Variants in PCDHA10 observed in about 807,000 individuals in gnomAD.
The protein encoded by PCDHA10 is protocadherin alpha 10.
In PCDHA10, 45 loss-of-function variants were observed where a neutral mutation model predicts 61.2. The observed-to-expected ratio is 0.74, with a 90% CI of 0.58 to 0.94. The LOEUF (loss-of-function observed/expected upper bound fraction) is 0.94. Among genes scored for constraint, PCDHA10 ranks in the 40% least tolerant of loss-of-function variants. The pLI is 0.00. For synonymous variants in PCDHA10, 602 were observed against 548.8 expected (o/e 1.10, Z -1.35); for missense variants, 1,278 against 1,236.2 (o/e 1.03, Z -0.51).
intron 1 of PCDHA10, among the ~76,000 whole-genome samples, chr5:140,923,142 TA>T (rs1262526439): frequency 5.3e-5 from 8 of 152,122 alleles, no homozygotes; most frequent in East Asian, 3.9e-4. Context: ...AGGTGGAATA[TA>T]AAAAAAATTA....
At chr5:140,912,441 G>A (rs1460671133) in intron 1 of PCDHA10, among the ~76,000 whole-genome samples, 2 of 151,478 alleles carry the variant, frequency 1.3e-5, no homozygotes, top group Non-Finnish European at 2.9e-5. Flanking sequence ...GCTGATTTGT[G>A]TGCATTGATT....
intron 1 of PCDHA10, chr5:140,969,304 C>A (rs782271875): frequency 9.3e-6 from 15 of 1,614,042 alleles, no homozygotes; most frequent in African/African-American, 1.3e-5. Flanking sequence ...TGATTATTCT[C>A]AAAAATGAGG....
At chr5:140,941,194 TCTTTCTTCCTTTCTTTCTTCC>T (rs1563183817) in intron 1 of PCDHA10, among the ~76,000 whole-genome samples, 5 of 112,350 alleles carry the variant, frequency 4.5e-5, no homozygotes, top group Admixed American at 9.1e-5. Flanking sequence ...TCTTTTTTTT[TCTTTCTTCCTTTCTTTCTTCC>T]TTTCTTTCTT....
At chr5:140,967,879 T>C in intron 1 of PCDHA10, 1 of 1,614,104 alleles carries the variant, frequency 6.2e-7, no homozygotes, top group Non-Finnish European at 8.5e-7. Context: ...CGGACCTGTA[T>C]AGCCCAGTGC....
chr5:140,940,253 A>G (rs1216858680), intron 1 of PCDHA10, among the ~76,000 whole-genome samples: 1 of 152,124 alleles, frequency 6.6e-6, no homozygotes, highest in Middle Eastern at 3.2e-3. Context: ...CCTCCTCAAT[A>G]TCTTCTGGGT....
chr5:140,965,672 A>G (rs1586083629), intron 1 of PCDHA10, among the ~76,000 whole-genome samples: 1 of 152,360 alleles, frequency 6.6e-6, no homozygotes, highest in South Asian at 2.1e-4. Context: ...TGATAAATGT[A>G]AAAGATTTGA....
chr5:140,865,903 ATCTT>A (rs1453140496), intron 1 of PCDHA10: 10 of 152,252 alleles, frequency 6.6e-5, no homozygotes, highest in African/African-American at 1.9e-4. Flanking sequence ...GTACAGGCAA[ATCTT>A]TCTTTCTGTT....
intron 1 of PCDHA10, chr5:140,966,502 G>GGCAGCA (rs2096011406): frequency 6.9e-6 from 3 of 433,776 alleles, no homozygotes; most frequent in Non-Finnish European, 1.2e-5. Context: ...GAGCTGTAGC[G>GGCAGCA]GCAGCAGCAG....
At chr5:140,869,222 AAC>A (rs1554162674) in intron 1 of PCDHA10, 2 of 1,613,834 alleles carry the variant, frequency 1.2e-6, no homozygotes, top group South Asian at 2.2e-5. Context: ...GAGGAGGCCA[AAC>A]ACGGCACCTT....
At position 140,875,233 on chromosome 5, in the gene PCDHA10, G is replaced by A. The variant is rs1379502066; in HGVS notation, c.2388+16797G>A. Reference sequence around the variant, plus strand: ...CGAAAAGAACCTCAGGATCTTTCTTGTACTTACATAATCAGTCACATGATG... The same window carrying A: ...CGAAAAGAACCTCAGGATCTTTCTTATACTTACATAATCAGTCACATGATG... On this transcript the variant is annotated intron_variant, in intron 1 of 3. Coordinates refer to ENST00000307360, the MANE Select transcript of PCDHA10 (RefSeq NM_018901.4). The A allele has an allele frequency of 3.5e-6, 3 of 863,762 alleles. No individual in the cohort carries two copies. The African/African-American group carries it at 5.1e-5, about 15-fold the overall frequency. The allele number at this position is 863,762 out of a possible 1,614,324, so 53.5% of individuals were successfully genotyped here. A position where few individuals can be genotyped will look rare whatever the true frequency, so the allele number is the denominator to read the frequency against.
At chr5:140,863,631 G>A (rs2048100597) in intron 1 of PCDHA10, 1 of 306,834 alleles carries the variant, frequency 3.3e-6, no homozygotes, top group Non-Finnish European at 6.4e-6. Flanking sequence ...CATTGATAAT[G>A]TTCACCAAGT....
intron 1 of PCDHA10, chr5:140,871,391 C>T: frequency 6.2e-7 from 1 of 1,614,170 alleles, no homozygotes; most frequent in Non-Finnish European, 8.5e-7. Flanking sequence ...GAGGAGGGCC[C>T]ACCTAAGACG....
At chr5:140,860,381 A>C (rs550712376) in intron 1 of PCDHA10, 4 of 152,246 alleles carry the variant, frequency 2.6e-5, no homozygotes, top group African/African-American at 9.6e-5. Context: ...ACCCTATTTC[A>C]AAAATTGAAA....
In PCDHA10 at chr5:140,982,477, C is replaced by G. The variant is rs782587733; in HGVS notation, c.2450C>G (p.Ser817Cys). ...SASLRAGMHS[S>C]VHLEEAGILR... ...TCTGGGTCTGTGTGTTTATTCAGCT[C>G]TGTGCACCTAGAGGAGGCTGGCATT... is the stretch of plus-strand genomic sequence containing the variant. Residue 817 changes from serine to cysteine, a missense_variant and splice_region_variant, in exon 3 of 4, where the codon TCT (serine) becomes TGT (cysteine). Coordinates refer to ENST00000307360, the MANE Select transcript of PCDHA10 (RefSeq NM_018901.4). 2 of 1,614,188 alleles carry G rather than the reference C, an allele frequency of 1.2e-6. No homozygotes were observed. Among genetic ancestry groups the G allele is most frequent in the Non-Finnish European group, 1.7e-6 (2 of 1,180,030 alleles).
chr5:140,871,504 C>G (rs782640295), intron 1 of PCDHA10: 2 of 1,581,824 alleles, frequency 1.3e-6, no homozygotes, highest in African/African-American at 1.3e-5. Context: ...GGTGAGTTTT[C>G]TACAGATTCC....
intron 1 of PCDHA10, chr5:140,884,564 A>C: frequency 6.2e-7 from 1 of 1,614,118 alleles, no homozygotes; most frequent in Non-Finnish European, 8.5e-7. Flanking sequence ...GGGCCCGCAT[A>C]AGACGGACCT....
rs1413393487 is a variant in PCDHA10, at chr5:140,941,341, G to T, written c.2389-37608G>T. On this transcript the variant is annotated intron_variant, in intron 1 of 3. Coordinates refer to ENST00000307360, the MANE Select transcript of PCDHA10 (RefSeq NM_018901.4). ...TCTCTTTTTTTTTTTTTTTCAGATG[G>T]AGTCTTGCTCTGTTGCCTAGGCTGG... Among the ~76,000 whole-genome samples the T allele has an allele frequency of 2.5e-5, 3 of 119,500 alleles. No homozygotes were observed. The East Asian group carries it at 8.2e-4, about 33-fold the overall frequency. 78.4% of individuals were successfully genotyped at this position (119,500 alleles called of 152,430 possible).
Position 141,009,839 on chromosome 5 carries a change from A to G in PCDHA10, c.2749A>G (p.Lys917Glu), listed in dbSNP as rs2098414795. 6.2e-7 allele frequency: 1 copy of G among 1,614,164 alleles called. No individual in the cohort carries two copies. Residue 917 changes from lysine (K) to glutamate (E), a missense_variant, in exon 4 of 4, where the codon AAG becomes GAG. Coordinates refer to ENST00000307360, the MANE Select transcript of PCDHA10 (RefSeq NM_018901.4). The part of the protein sequence containing the change: ...DKSDFITFGK[K>E]EETKKKKKKK... ...AAGTGACTTCATAACCTTCGGCAAA[A>G]AGGAGGAGACCAAGAAAAAGAAGAA...
At chr5:140,883,760 C>A in intron 1 of PCDHA10, 1 of 1,612,790 alleles carries the variant, frequency 6.2e-7, no homozygotes, top group Non-Finnish European at 8.5e-7. Flanking sequence ...GGTGGAGCGG[C>A]GGGTGGGCGA....
Sources: gnomAD v4.1 joint callset for allele counts (sites outside exome capture counted in the v4.1 genomes callset) on GRCh38, gnomAD v4.1.1 for gene constraint, MANE v1.5 for transcripts, NCBI Gene and HGNC (gene_info 2026-07-23, HGNC 2026-07-21) for gene names.